Variants in TECTA observed in about 807,000 individuals in gnomAD.
TECTA encodes the protein alpha-tectorin.
A neutral mutation model predicts 216.8 loss-of-function variants in TECTA; 128 were observed. That is an observed-to-expected ratio of 0.59 (90% CI 0.51 to 0.68). TECTA has a LOEUF of 0.68. Among genes scored for constraint, TECTA ranks in the 30% least tolerant of loss-of-function variants. TECTA has a pLI of 0.00. For missense variants in TECTA, 2,551 were observed against 2,786.2 expected (o/e 0.92, Z 1.90); for synonymous variants, 1,089 against 1,117.1 (o/e 0.97, Z 0.50).
intron 7 of TECTA, among the ~76,000 whole-genome samples, chr11:121,123,808 C>T (rs574300736): frequency 8.5e-5 from 13 of 152,324 alleles, no homozygotes; most frequent in South Asian, 2.1e-4. Context: ...CAATGGCTGA[C>T]GGGCCCTGCT....
In TECTA at chr11:121,113,148, G is replaced by T; in HGVS notation, c.563G>T (p.Trp188Leu). The T allele has an allele frequency of 6.2e-7, 1 of 1,614,006 alleles. No homozygotes were observed. The highest frequency in any genetic ancestry group is 8.5e-7 in the Non-Finnish European group (1 of 1,179,998). The change falls in exon 5 of 24, where the codon TGG (tryptophan) becomes TTG (leucine). Residue 188 changes from tryptophan to leucine, a missense_variant. Physicochemically the swap from Trp to Leu is moderately conservative, Grantham distance 61. Transcript: ENST00000392793. This position sits in a 1 kb window ranked among gnomAD's most constrained non-coding sequence, Gnocchi z 4.2. ...FTLFNYYEINWTTGTASGGDP... is the reference protein window; with the variant it reads ...FTLFNYYEINLTTGTASGGDP... ...CTCTTCAATTATTACGAAATCAACT[G>T]GACCACGGGGACGGCGAGTGGCGGC...
chr11:121,137,343 C>T (rs1023737299), intron 10 of TECTA, 78 bp from the exon 11 acceptor site: 1 of 1,579,904 alleles, frequency 6.3e-7, no homozygotes, highest in African/African-American at 1.3e-5. Context: ...TGCACTCATA[C>T]ACACATGCAT....
rs964137715 is a variant in TECTA at position 121,112,936 on chromosome 11, G to A, written c.487-136G>A. The A allele has an allele frequency of 6.7e-6, 7 of 1,048,146 alleles. No homozygotes were observed. In the African/African-American group the frequency reaches 9.4e-5, roughly 14 times the overall value. 64.9% of individuals were successfully genotyped at this position (1,048,146 alleles called of 1,614,324 possible). A position where few individuals can be genotyped will look rare whatever the true frequency, so the allele number is the denominator to read the frequency against. On this transcript the variant is annotated intron_variant, in intron 4 of 23. Transcript: ENST00000392793. ...CGAGAACAAATTCAGAGAGGAGTCA[G>A]AGCTGGAGGGCCTGGCTGCAGAGCA...
intron 11 of TECTA, among the ~76,000 whole-genome samples, chr11:121,144,941 T>A (rs1233624619): frequency 6.6e-6 from 1 of 151,990 alleles, no homozygotes; most frequent in Non-Finnish European, 1.5e-5. Flanking sequence ...TAGAGAGGAA[T>A]ACAAGAGAAG....
chr11:121,169,013 TA>T, intron 20 of TECTA, 88 bp downstream of exon 20: 1 of 1,605,506 alleles, frequency 6.2e-7, no homozygotes. Context: ...TGGAAACTAA[TA>T]TTTGTTGGCT....
In TECTA at chr11:121,160,335, A is replaced by G. The variant is rs1393921182; in HGVS notation, c.4890A>G (p.Thr1630=). 1.2e-6 allele frequency: 2 copies of G among 1,614,190 alleles called. No homozygotes were observed. Among genetic ancestry groups the G allele is most frequent in the Middle Eastern group, 1.6e-4 (1 of 6,062 alleles). ...GLCGNFNGDL[T]DDYVTLRGKP... ...GTGGCAACTTCAACGGGGACCTAAC[A>G]GATGATTATGTGACCTTGCGAGGGA... The change falls in exon 15 of 24, where the codon ACA becomes ACG. Residue 1630 remains threonine (T), a synonymous_variant. Transcript: ENST00000392793.
Position 121,152,979 on chromosome 11 carries a change from T to C in TECTA, c.4204T>C (p.Cys1402Arg). ...CCTGAAGAGTGACTGCAGCCACTACTGCGTGGAGGGCTGTCACTGCGACGC... is the reference window on the plus strand; with the variant it reads ...CCTGAAGAGTGACTGCAGCCACTACCGCGTGGAGGGCTGTCACTGCGACGC... The part of the protein sequence containing the change: ...IRLKSDCSHY[C>R]VEGCHCDAGY... The change falls in exon 13 of 24, where the codon TGC becomes CGC. Residue 1402 changes from cysteine to arginine, a missense_variant. Cys to Arg is a radical substitution (Grantham distance 180). Around this residue, in one of 3 missense-constraint regions of TECTA, gnomAD observed 2,375 missense variants for 2,563.9 expected, o/e 0.93. Coordinates refer to ENST00000392793, the MANE Select transcript of TECTA (RefSeq NM_005422.4). 1 of 1,614,194 alleles carries C rather than the reference T, an allele frequency of 6.2e-7. No homozygotes were observed. Among genetic ancestry groups the C allele is most frequent in the Non-Finnish European group, 8.5e-7 (1 of 1,180,026 alleles).
At chr11:121,141,276 C>T (rs1213799472) in intron 11 of TECTA, among the ~76,000 whole-genome samples, 3 of 152,160 alleles carry the variant, frequency 2.0e-5, no homozygotes, top group African/African-American at 7.2e-5. Context: ...GAATAATGGC[C>T]ATCAGGATGA....
intron 20 of TECTA, among the ~76,000 whole-genome samples, chr11:121,175,442 C>T (rs879447423): frequency 1.1e-4 from 17 of 152,112 alleles, no homozygotes; most frequent in Non-Finnish European, 1.5e-4. Flanking sequence ...GCCTTCATTT[C>T]GTTTTGTACC....
chr11:121,120,756 T>C (rs553097863), intron 7 of TECTA, among the ~76,000 whole-genome samples: 6 of 152,192 alleles, frequency 3.9e-5, no homozygotes, highest in Non-Finnish European at 8.8e-5. Context: ...AAAAAGCGCC[T>C]CCTTCTAGCT....
intron 12 of TECTA, 74 bp downstream of exon 12, chr11:121,146,190 C>T: frequency 6.4e-7 from 1 of 1,559,360 alleles, no homozygotes; most frequent in Non-Finnish European, 8.7e-7. Context: ...AGTCTTCCAA[C>T]TCCCTAGAAG....
chr11:121,102,450 C>T (rs548627416), intron 1 of TECTA, among the ~76,000 whole-genome samples: 1 of 152,184 alleles, frequency 6.6e-6, no homozygotes, highest in Non-Finnish European at 1.5e-5. Context: ...AGACTGGCTT[C>T]TTCTGGGCAT....
At chr11:121,160,917 T>G (rs1946992447) in intron 15 of TECTA, among the ~76,000 whole-genome samples, 1 of 152,214 alleles carries the variant, frequency 6.6e-6, no homozygotes, top group Non-Finnish European at 1.5e-5. Flanking sequence ...TACAAGGTTA[T>G]TATCAGGCCC....
chr11:121,135,981 C>T (rs559146429), intron 10 of TECTA, among the ~76,000 whole-genome samples: 39 of 150,274 alleles, frequency 2.6e-4, no homozygotes, highest in African/African-American at 4.9e-4. Context: ...TTTCTCCAGA[C>T]GGAGTCTCGC....
At chr11:121,187,725 C>A in intron 20 of TECTA, 107 bp from the exon 21 acceptor site, 1 of 1,273,020 alleles carries the variant, frequency 7.9e-7, no homozygotes, top group Non-Finnish European at 1.1e-6. Flanking sequence ...GCATTTCTGC[C>A]ATTTATGGTG....
intron 7 of TECTA, 129 bp downstream of exon 7, chr11:121,118,847 C>T: frequency 1.6e-6 from 2 of 1,242,928 alleles, no homozygotes; most frequent in Non-Finnish European, 2.3e-6. Context: ...CACAGCTCTC[C>T]CCGCCTTGCA....
intron 11 of TECTA, among the ~76,000 whole-genome samples, chr11:121,139,230 A>C (rs529967297): frequency 6.6e-6 from 1 of 152,358 alleles, no homozygotes; most frequent in East Asian, 1.9e-4. Context: ...TTATTCCAGT[A>C]GCCATTATTA....
intron 11 of TECTA, among the ~76,000 whole-genome samples, chr11:121,143,302 T>C (rs1295013387): frequency 6.6e-6 from 1 of 152,216 alleles, no homozygotes; most frequent in Non-Finnish European, 1.5e-5. Flanking sequence ...TAAATTGCTG[T>C]AATTATTCAT....
At chr11:121,135,732 T>C (rs897869145) in intron 10 of TECTA, among the ~76,000 whole-genome samples, 2 of 152,234 alleles carry the variant, frequency 1.3e-5, no homozygotes, top group African/African-American at 2.4e-5. Context: ...TAAGGAGTGA[T>C]GGTATGTATA....
Sources: gnomAD v4.1 joint callset for allele counts (sites outside exome capture counted in the v4.1 genomes callset) on GRCh38, gnomAD v4.1.1 for gene constraint, gnomAD v4.1.1 regional missense constraint, Gnocchi (gnomAD v3.1) non-coding constraint, MANE v1.5 for transcripts, NCBI Gene and HGNC (gene_info 2026-07-23, HGNC 2026-07-21) for gene names.